Variants in RUBCNL observed in about 807,000 individuals in gnomAD.
The protein encoded by RUBCNL is rubicon like autophagy enhancer.
A neutral mutation model predicts 69.5 loss-of-function variants in RUBCNL; 62 were observed. The observed-to-expected ratio is 0.89, with a 90% CI of 0.73 to 1.10. The LOEUF is 1.10. RUBCNL is among the 50% of genes least tolerant of loss of function. RUBCNL has a pLI of 0.00. For missense variants in RUBCNL, 768 were observed against 798.1 expected (o/e 0.96, Z 0.45); for synonymous variants, 291 against 303.6 (o/e 0.96, Z 0.43).
intron 12 of RUBCNL, among the ~76,000 whole-genome samples, chr13:46,346,736 A>T (rs558652571): frequency 7.2e-4 from 109 of 151,320 alleles, no homozygotes; most frequent in Non-Finnish European, 1.3e-3. Flanking sequence ...AAAGCAATAC[A>T]TCATCATTAA....
At position 46,372,087 on chromosome 13, in the gene RUBCNL, G is replaced by A. The variant is rs1377246226; in HGVS notation, c.389C>T (p.Ser130Phe). Residue 130 changes from serine (S) to phenylalanine (F), a missense_variant, in exon 3 of 15, where the codon TCC becomes TTC. By Grantham distance (155) the Ser-to-Phe change is radical. Coordinates refer to ENST00000429979, the MANE Select transcript of RUBCNL (RefSeq NM_025113.5). The part of the protein sequence containing the change: ...SSEKSSSFSL[S>F]STEVHMVRPG... Reference sequence around the variant, plus strand: ...GCGGACCATGTGTACCTCTGTTGAGGACAGAGAGAAGCTGCTACTCTTTTC... The same window carrying A: ...GCGGACCATGTGTACCTCTGTTGAGAACAGAGAGAAGCTGCTACTCTTTTC... 1 of 1,613,900 alleles carries A rather than the reference G, an allele frequency of 6.2e-7. No homozygotes were observed. The highest frequency in any genetic ancestry group is 8.5e-7 in the Non-Finnish European group (1 of 1,179,898).
At chr13:46,372,620 C>T in intron 2 of RUBCNL, 23 bp from the exon 3 acceptor site, 1 of 1,429,018 alleles carries the variant, frequency 7.0e-7, no homozygotes, top group Non-Finnish European at 9.1e-7. Context: ...AGGAATCATT[C>T]AAAATAAGTA....
chr13:46,366,531 A>G lies in RUBCNL; in HGVS notation c.826+1511T>C, dbSNP rs906294164. Reference sequence around the variant, plus strand: ...CCACTGGGTTCAGTGAGAATGTTCTATATCTTAAGACAAAACAACCCTTTT... The same window carrying G: ...CCACTGGGTTCAGTGAGAATGTTCTGTATCTTAAGACAAAACAACCCTTTT... On this transcript the variant is annotated intron_variant, in intron 5 of 14. Transcript: ENST00000429979. Among the ~76,000 whole-genome samples the G allele has an allele frequency of 1.4e-4, 21 of 152,346 alleles. 1 individual carries two copies. Among genetic ancestry groups the G allele is most frequent in the Non-Finnish European group, 2.4e-4 (16 of 68,030 alleles).
At chr13:46,375,606 A>G (rs1222973921) in intron 2 of RUBCNL, among the ~76,000 whole-genome samples, 2 of 152,180 alleles carry the variant, frequency 1.3e-5, no homozygotes, top group South Asian at 2.1e-4. Flanking sequence ...GGGCAGAATT[A>G]CTCATGTAGG....
At chr13:46,374,214 G>A (rs543943532) in intron 2 of RUBCNL, among the ~76,000 whole-genome samples, 4 of 152,304 alleles carry the variant, frequency 2.6e-5, no homozygotes, top group South Asian at 2.1e-4. Context: ...AAGTAGCTGG[G>A]ATTACAGGTG....
chr13:46,335,477 T>C lies in RUBCNL; in HGVS notation c.*7908A>G, dbSNP rs2048099981. ...GATCTGATTTATGCTTTATAAACAT[T>C]CTGGTGTTGTGTGGAGAATGGACTA... On this transcript the variant is annotated 3_prime_UTR_variant, in exon 15 of 15. Transcript: ENST00000429979. Among the ~76,000 whole-genome samples, 4 of 152,056 alleles carry C rather than the reference T, an allele frequency of 2.6e-5. No homozygotes were observed. The highest frequency in any genetic ancestry group is 2.6e-4 in the Admixed American group (4 of 15,264).
Position 46,365,418 on chromosome 13 carries a change from G to A in RUBCNL, c.827-2205C>T, listed in dbSNP as rs530460985. Among the ~76,000 whole-genome samples the A allele has an allele frequency of 5.3e-5, 8 of 152,110 alleles. No individual in the cohort carries two copies. In the East Asian group the frequency reaches 1.3e-3, roughly 26 times the overall value. ...TGCATGGGCCTTGAGAAGTTCTGAG[G>A]CAAGGTTCTGCACTACACAACTCCA... On this transcript the variant is annotated intron_variant, in intron 5 of 14. Transcript: ENST00000429979.
rs2048602731 is a variant in RUBCNL, at chr13:46,361,211, C to T, written c.1119+230G>A. ...CTGCACTCCAGCCTGGGTGACAGAG[C>T]AAGAATCCGTCTCAAAAAAATTAAT... On this transcript the variant is annotated intron_variant, in intron 8 of 14. Transcript: ENST00000429979. Among the ~76,000 whole-genome samples, 3 of 152,084 alleles carry T rather than the reference C, an allele frequency of 2.0e-5. No homozygotes were observed. The South Asian group carries it at 6.2e-4, about 31-fold the overall frequency.
At position 46,343,137 on chromosome 13, in the gene RUBCNL, A is replaced by G. The variant is rs897888571; in HGVS notation, c.*248T>C. 2 of 573,140 alleles carry G rather than the reference A, an allele frequency of 3.5e-6. No individual in the cohort carries two copies. The highest frequency in any genetic ancestry group is 3.8e-5 in the African/African-American group (2 of 53,254). 35.5% of individuals were successfully genotyped at this position (573,140 alleles called of 1,614,324 possible). ...CTATTCAAATACAAAAGTATAAAAA[A>G]CCTCTTTAAAAAACCAATAGCAGCC... On this transcript the variant is annotated 3_prime_UTR_variant, in exon 15 of 15. Coordinates refer to ENST00000429979, the MANE Select transcript of RUBCNL (RefSeq NM_025113.5).
intron 10 of RUBCNL, 115 bp downstream of exon 10, chr13:46,356,317 T>G (rs2048483191): frequency 1.0e-6 from 1 of 982,742 alleles, no homozygotes; most frequent in Non-Finnish European, 1.5e-6. Flanking sequence ...TCTCTGAAGC[T>G]CTTATAACAA....
chr13:46,352,471 G>A (rs1319400881), intron 10 of RUBCNL, among the ~76,000 whole-genome samples: 2 of 152,224 alleles, frequency 1.3e-5, no homozygotes, highest in East Asian at 1.9e-4. Context: ...CCCGTACACT[G>A]TAGATTCTGA....
intron 9 of RUBCNL, among the ~76,000 whole-genome samples, chr13:46,358,272 G>C (rs1011506347): frequency 1.3e-5 from 2 of 152,170 alleles, no homozygotes; most frequent in Non-Finnish European, 2.9e-5. Flanking sequence ...CCAGTCCCTT[G>C]GGCACAGTCA....
At chr13:46,367,701 C>CTTGGACATTTTTGTCCA (rs2048788299) in intron 5 of RUBCNL, among the ~76,000 whole-genome samples, 1 of 152,136 alleles carries the variant, frequency 6.6e-6, no homozygotes, top group African/African-American at 2.4e-5. Flanking sequence ...CAAAAATATT[C>CTTGGACATTTTTGTCCA]AATGAAAAGT....
At chr13:46,357,249 C>T (rs1439222604) in intron 9 of RUBCNL, among the ~76,000 whole-genome samples, 16 of 147,156 alleles carry the variant, frequency 1.1e-4, no homozygotes, top group Admixed American at 5.5e-4. Flanking sequence ...AGGAGAATGG[C>T]GTGAACCCGG....
chr13:46,382,144 T>A (rs1405553995), intron 1 of RUBCNL, among the ~76,000 whole-genome samples: 1 of 152,102 alleles, frequency 6.6e-6, no homozygotes, highest in Non-Finnish European at 1.5e-5. Flanking sequence ...GCATGTAAAT[T>A]CTATCTCAAT....
At chr13:46,383,153 G>T (rs989525491) in intron 1 of RUBCNL, among the ~76,000 whole-genome samples, 22 of 152,192 alleles carry the variant, frequency 1.4e-4, no homozygotes, top group African/African-American at 5.1e-4. Context: ...CTATGTTTAA[G>T]TTTGAAATTT....
rs574894720 is a variant in RUBCNL, at chr13:46,334,747, A to G, written c.*8638T>C. On this transcript the variant is annotated 3_prime_UTR_variant, in exon 15 of 15. Coordinates refer to ENST00000429979, the MANE Select transcript of RUBCNL (RefSeq NM_025113.5). ...AGACAAGATGCTAAACATACTTTTC[A>G]TAACTTATATCATTTAATCTGTACG... Among the ~76,000 whole-genome samples, 160 of 152,344 alleles carry G rather than the reference A, an allele frequency of 1.1e-3. No homozygotes were observed. The highest frequency in any genetic ancestry group is 3.5e-3 in the African/African-American group (145 of 41,572).
At chr13:46,351,649 G>A (rs575997576) in intron 10 of RUBCNL, among the ~76,000 whole-genome samples, 3 of 152,150 alleles carry the variant, frequency 2.0e-5, no homozygotes, top group South Asian at 2.1e-4. Flanking sequence ...TAAAGTACAC[G>A]GAAGAGCATA....
intron 10 of RUBCNL, among the ~76,000 whole-genome samples, chr13:46,351,467 G>A (rs2048366561): frequency 6.6e-6 from 1 of 152,282 alleles, no homozygotes; most frequent in South Asian, 2.1e-4. Context: ...ATGTGTAACA[G>A]TAATCCTGCT....
Sources: gnomAD v4.1 joint callset for allele counts (sites outside exome capture counted in the v4.1 genomes callset) on GRCh38, gnomAD v4.1.1 for gene constraint, MANE v1.5 for transcripts, NCBI Gene and HGNC (gene_info 2026-07-23, HGNC 2026-07-21) for gene names.